FBXO27: variants seen among roughly 807,000 people sequenced by gnomAD.
The protein encoded by FBXO27 is F-box protein 27.
FBXO27 carries 28 observed loss-of-function variants against 28.3 expected under a neutral mutation model. That is an observed-to-expected ratio of 0.99 (90% confidence interval 0.73 to 1.36). FBXO27 has a LOEUF of 1.36. FBXO27 is among the 40% of genes most tolerant of loss of function. The probability of loss-of-function intolerance (pLI) is 0.00; values close to 1 mark genes in which losing one functional copy is unlikely to be tolerated. For synonymous variants in FBXO27, 175 were observed against 167.3 expected (o/e 1.05, Z -0.36); for missense variants, 388 against 394.1 (o/e 0.98, Z 0.13).
At chr19:39,007,364 G>A (rs1312826882) in intron 2 of FBXO27, among the ~76,000 whole-genome samples, 1 of 152,192 alleles carries the variant, frequency 6.6e-6, no homozygotes, top group East Asian at 1.9e-4. Flanking sequence ...AACCCCAGCT[G>A]GGCGTTCTGG....
At chr19:39,021,819 C>T (rs1057499654), downstream of FBXO27, among the ~76,000 whole-genome samples, 7 of 151,870 alleles carry the variant, frequency 4.6e-5, no homozygotes, top group Admixed American at 6.6e-5. Context: ...CCTGCCACCA[C>T]GCCCAGCTAA....
intron 1 of FBXO27, among the ~76,000 whole-genome samples, chr19:39,017,031 GC>G (rs1303242309): frequency 6.6e-6 from 1 of 152,130 alleles, no homozygotes; most frequent in Non-Finnish European, 1.5e-5. Flanking sequence ...GCTGCAGTGA[GC>G]CATGATCGCG....
chr19:39,031,964 G>T lies in FBXO27; in HGVS notation c.264C>A (p.Ser88Arg), dbSNP rs777578401. 1.3e-6 allele frequency: 2 copies of T among 1,519,554 alleles called. No individual in the cohort carries two copies. The highest frequency in any genetic ancestry group is 2.6e-5 in the East Asian group (1 of 38,470). The allele number at this position is 1,519,554 out of a possible 1,614,324, so 94.1% of individuals were successfully genotyped here. ...TGRALLHLARSCQSPARNARP... is the reference protein window; with the variant it reads ...TGRALLHLARRCQSPARNARP... ...TGGCGTTACGGGCGGGAGACTGGCA[G>T]CTGCGGGCGAGGTGCAGCAGCGCGC... The change falls in exon 2 of 6, where the codon AGC (serine) becomes AGA (arginine). Residue 88 changes from serine to arginine, a missense_variant. Transcript: ENST00000292853.
chr19:39,031,287 C>T lies in FBXO27; in HGVS notation c.398G>A (p.Gly133Glu), dbSNP rs1369997227. 1 of 1,613,980 alleles carries T rather than the reference C, an allele frequency of 6.2e-7. No individual in the cohort carries two copies. Among genetic ancestry groups the T allele is most frequent in the African/African-American group, 1.3e-5 (1 of 74,924 alleles). Residue 133 changes from glycine (G) to glutamate (E), a missense_variant, in exon 3 of 6, where the codon GGG (glycine) becomes GAG (glutamate). Transcript: ENST00000292853. ...GTTTTCCTCCACCACCCAGCCGTCC[C>T]CACCGTGTTGCACCATCCACTTTCG... ...GLRKWMVQHGGDGWVVEENRT... is the reference protein window; with the variant it reads ...GLRKWMVQHGEDGWVVEENRT...
downstream of FBXO27, among the ~76,000 whole-genome samples, chr19:39,019,050 CAGAGCA>C (rs1188525367): frequency 3.0e-5 from 4 of 131,608 alleles, no homozygotes; most frequent in Non-Finnish European, 1.6e-5. Flanking sequence ...GCCTGGGTGA[CAGAGCA>C]AGACTCTATC....
downstream of FBXO27, among the ~76,000 whole-genome samples, chr19:39,020,008 C>T (rs1243648118): frequency 6.6e-6 from 1 of 152,144 alleles, no homozygotes; most frequent in East Asian, 1.9e-4. Flanking sequence ...CCCACTTGGC[C>T]TCCCAAAGTG....
In FBXO27 at chr19:39,011,690, CGGCG is replaced by C. The variant is rs569005115; in HGVS notation, c.252+2693_252+2696del. On this transcript the variant is annotated intron_variant, in intron 2 of 2. Coordinates refer to the FBXO27 transcript ENST00000598394. Reference sequence around the variant, plus strand: ...CTTTTCTTATTTTTCGCAGAGATGGCGGCGGGGGAGGGGGGGTCTCCCTTTGTTG... The same window carrying C: ...CTTTTCTTATTTTTCGCAGAGATGGCGGGGAGGGGGGGTCTCCCTTTGTTG... Among the ~76,000 whole-genome samples the C allele has an allele frequency of 1.1e-3, 12 of 10,598 alleles. 1 individual carries two copies. The highest frequency in any genetic ancestry group is 1.8e-3 in the African/African-American group (10 of 5,654). 7.0% of individuals were successfully genotyped at this position (10,598 alleles called of 152,430 possible). A position where few individuals can be genotyped will look rare whatever the true frequency, so the allele number is the denominator to read the frequency against.
At chr19:39,016,746 T>A (rs1238101825) in intron 1 of FBXO27, among the ~76,000 whole-genome samples, 1 of 151,644 alleles carries the variant, frequency 6.6e-6, no homozygotes, top group Non-Finnish European at 1.5e-5. Flanking sequence ...GATTGCACTG[T>A]TGTACTCTAG....
chr19:39,015,306 A>G (rs2072814362), intron 1 of FBXO27, among the ~76,000 whole-genome samples: 2 of 115,836 alleles, frequency 1.7e-5, no homozygotes, highest in Admixed American at 1.1e-4. Flanking sequence ...GTGACAGAGC[A>G]AGACTCTGTC....
In FBXO27 at chr19:39,032,168, G is replaced by GGGTTCC; in HGVS notation, c.54_59dup (p.Pro20_Glu21dup). 1 of 1,523,916 alleles carries GGGTTCC rather than the reference G, an allele frequency of 6.6e-7. No homozygotes were observed. The highest frequency in any genetic ancestry group is 8.8e-7 in the Non-Finnish European group (1 of 1,140,804). The allele number at this position is 1,523,916 out of a possible 1,614,324, so 94.4% of individuals were successfully genotyped here. A position where few individuals can be genotyped will look rare whatever the true frequency, so the allele number is the denominator to read the frequency against. On this transcript the variant is annotated inframe_insertion, in exon 2 of 6. Coordinates refer to ENST00000292853, the MANE Select transcript of FBXO27 (RefSeq NM_178820.5). This position sits in a 1 kb window ranked among gnomAD's most constrained non-coding sequence, Gnocchi z 4.7. The stretch of plus-strand genomic sequence containing the variant: ...GTTGGCTCAGGTCCAGCGCCTCTTC[G>GGGTTCC]GGTTCCGGCTCCGGCGCGGGGACCC...
At position 39,024,204 on chromosome 19, in the gene FBXO27, C is replaced by T. The variant is rs6508841; in HGVS notation, c.*1207G>A. The T allele has an allele frequency of 0.6, 91,099 of 151,814 alleles. 27,639 individuals are homozygous for T. Among genetic ancestry groups the T allele is most frequent in the Middle Eastern group, 0.63 (184 of 292 alleles). 9.4% of individuals were successfully genotyped at this position (151,814 alleles called of 1,614,324 possible). A position where few individuals can be genotyped will look rare whatever the true frequency, so the allele number is the denominator to read the frequency against. On this transcript the variant is annotated 3_prime_UTR_variant, in exon 6 of 6. Coordinates refer to ENST00000292853, the MANE Select transcript of FBXO27 (RefSeq NM_178820.5). ...GAATTACCTCGTTTTTTCAGAGAAACCAGAGTGGGCAGAACCATCTCCAAA... is the reference window on the plus strand; with the variant it reads ...GAATTACCTCGTTTTTTCAGAGAAATCAGAGTGGGCAGAACCATCTCCAAA...
intron 4 of FBXO27, among the ~76,000 whole-genome samples, chr19:39,027,702 T>C (rs751990975): frequency 6.6e-6 from 1 of 151,960 alleles, no homozygotes; most frequent in Non-Finnish European, 1.5e-5. Context: ...GATGTAGAGA[T>C]GGGGTTTTGC....
intron 1 of FBXO27, among the ~76,000 whole-genome samples, chr19:39,014,824 T>A (rs192886563): frequency 1.3e-5 from 2 of 151,802 alleles, no homozygotes; most frequent in East Asian, 1.9e-4. Context: ...AGAAGACATA[T>A]CTGATAAAGG....
Position 39,032,230 on chromosome 19 carries a change from T to TC in FBXO27, c.-4dup, listed in dbSNP as rs778980387. The TC allele has an allele frequency of 1.7e-4, 247 of 1,426,154 alleles. 6 individuals carry two copies. The East Asian group carries it at 2.5e-3, about 14-fold the overall frequency. 88.3% of individuals were successfully genotyped at this position (1,426,154 alleles called of 1,614,324 possible). A position where few individuals can be genotyped will look rare whatever the true frequency, so the allele number is the denominator to read the frequency against. Reference sequence around the variant, plus strand: ...CCCCTGGAGACCGAGGCGCCCATGGTCCCCCCGCCAGGCCCGGCTGTGGCT... The same window carrying TC: ...CCCCTGGAGACCGAGGCGCCCATGGTCCCCCCCGCCAGGCCCGGCTGTGGCT... On this transcript the variant is annotated 5_prime_UTR_variant, in exon 2 of 6. Transcript: ENST00000292853. This position sits in a 1 kb window ranked among gnomAD's most constrained non-coding sequence, Gnocchi z 4.7.
intron 4 of FBXO27, among the ~76,000 whole-genome samples, chr19:39,028,602 C>T (rs1195483357): frequency 6.6e-6 from 1 of 151,858 alleles, no homozygotes; most frequent in African/African-American, 2.4e-5. Context: ...GTGGCTCACA[C>T]CTGTAATCCC....
downstream of FBXO27, among the ~76,000 whole-genome samples, chr19:39,023,826 G>A (rs2072857629): frequency 6.6e-6 from 1 of 152,084 alleles, no homozygotes; most frequent in African/African-American, 2.4e-5. Context: ...TGTTGGCCAG[G>A]CTGGTCTTGA....
chr19:39,011,680 G>A (rs1386192232), intron 2 of FBXO27, among the ~76,000 whole-genome samples: 3 of 63,502 alleles, frequency 4.7e-5, no homozygotes, highest in African/African-American at 1.5e-4. Flanking sequence ...CTTATTTTTC[G>A]CAGAGATGGC....
chr19:39,031,419 G>C (rs1253346228), intron 2 of FBXO27, 99 bp from the exon 3 acceptor site: 11 of 1,086,774 alleles, frequency 1.0e-5, no homozygotes. Flanking sequence ...TCACAGTGCA[G>C]CTCACTCACC....
chr19:39,007,178 G>A (rs1167309851), intron 2 of FBXO27, among the ~76,000 whole-genome samples: 2 of 151,974 alleles, frequency 1.3e-5, no homozygotes, highest in Non-Finnish European at 2.9e-5. Context: ...ATTCATAAGA[G>A]GTTCAGGGGC....
Sources: gnomAD v4.1 joint callset for allele counts (sites outside exome capture counted in the v4.1 genomes callset) on GRCh38, gnomAD v4.1.1 for gene constraint, Gnocchi (gnomAD v3.1) non-coding constraint, MANE v1.5 for transcripts, NCBI Gene and HGNC (gene_info 2026-07-23, HGNC 2026-07-21) for gene names.